SLC24A2: variants seen among roughly 807,000 people sequenced by gnomAD.
SLC24A2 encodes solute carrier family 24 member 2, also known as sodium/potassium/calcium exchanger 2.
In SLC24A2, 36 loss-of-function variants were observed where a neutral mutation model predicts 62.0. The ratio of observed to expected loss-of-function variants is 0.58; its 90% CI spans 0.44 to 0.77. The LOEUF (loss-of-function observed/expected upper bound fraction) is 0.77. Ranked by LOEUF, SLC24A2 falls within the 30% of genes least tolerant of loss-of-function variation. SLC24A2 has a pLI of 0.00. For synonymous variants in SLC24A2, 358 were observed against 294.0 expected, an observed-to-expected ratio of 1.22 and a Z score of -2.23; for missense variants, 846 against 817.9, an observed-to-expected ratio of 1.03 and a Z score of -0.42.
the SLC24A2 span, among the ~76,000 whole-genome samples, chr9:20,193,145 G>A: frequency 6.6e-6 from 1 of 152,114 alleles, no homozygotes; most frequent in Non-Finnish European, 1.5e-5. Flanking sequence ...CAGTCCACAT[G>A]CCTTGATATT....
chr9:20,282,547 G>A, the SLC24A2 span, among the ~76,000 whole-genome samples: 2 of 152,154 alleles, frequency 1.3e-5, no homozygotes, highest in South Asian at 2.1e-4. Flanking sequence ...TGATAGAAAT[G>A]CAAATTCAGG....
At chr9:19,772,646 C>A (rs1822724255) in intron 2 of SLC24A2, among the ~76,000 whole-genome samples, 1 of 152,080 alleles carries the variant, frequency 6.6e-6, no homozygotes. Flanking sequence ...AAACCAAAAT[C>A]ATGAGGTATC....
At chr9:20,058,391 GGA>G in the SLC24A2 span, among the ~76,000 whole-genome samples, 1 of 151,854 alleles carries the variant, frequency 6.6e-6, no homozygotes, top group African/African-American at 2.4e-5. Flanking sequence ...GACACACAGA[GGA>G]ATAAACCCAT....
chr9:19,980,891 A>T, the SLC24A2 span, among the ~76,000 whole-genome samples: 1 of 152,202 alleles, frequency 6.6e-6, no homozygotes, highest in Non-Finnish European at 1.5e-5. Flanking sequence ...TCTGTATATT[A>T]CGACTTCAAT....
At chr9:19,891,443 C>T in the SLC24A2 span, among the ~76,000 whole-genome samples, 5 of 152,172 alleles carry the variant, frequency 3.3e-5, no homozygotes, top group African/African-American at 9.7e-5. Flanking sequence ...TTATGTGGCT[C>T]ACAGTTCTGC....
the SLC24A2 span, among the ~76,000 whole-genome samples, chr9:20,199,893 T>C: frequency 6.6e-6 from 1 of 150,506 alleles, no homozygotes; most frequent in Non-Finnish European, 1.5e-5. Context: ...TAATTTTTTT[T>C]TTTTTTTTTT....
the SLC24A2 span, among the ~76,000 whole-genome samples, chr9:20,031,351 TTATA>T: frequency 0.38 from 53,233 of 141,434 alleles, 10,223 homozygotes; most frequent in African/African-American, 0.45. Flanking sequence ...TACACACACT[TTATA>T]TATATATATA....
At chr9:19,864,128 C>T in the SLC24A2 span, among the ~76,000 whole-genome samples, 1 of 151,788 alleles carries the variant, frequency 6.6e-6, no homozygotes, top group Non-Finnish European at 1.5e-5. Context: ...CAAGATTGAA[C>T]CATGAAGAAA....
rs1414413738 is a variant in SLC24A2 at position 19,512,909 on chromosome 9, A to G, written c.*3244T>C. 6.6e-6 allele frequency: 1 copy of G among 152,000 alleles called. No homozygotes were observed. The highest frequency in any genetic ancestry group is 1.5e-5 in the Non-Finnish European group (1 of 67,992). 9.4% of individuals were successfully genotyped at this position (152,000 alleles called of 1,614,324 possible). ...ATGGCTGACCGATTTCCTTAAGGCT[A>G]TAAATTGATATTCTTAGGGTGGGAA... is the stretch of plus-strand genomic sequence containing the variant. On this transcript the variant is annotated 3_prime_UTR_variant, in exon 11 of 11. Transcript: ENST00000341998.
At chr9:20,159,564 T>C in the SLC24A2 span, among the ~76,000 whole-genome samples, 1 of 151,596 alleles carries the variant, frequency 6.6e-6, no homozygotes, top group African/African-American at 2.4e-5. Context: ...AAGAGTAGTA[T>C]GTGTGACAAA....
At chr9:19,948,844 C>CAAAAAA in the SLC24A2 span, among the ~76,000 whole-genome samples, 10 of 71,720 alleles carry the variant, frequency 1.4e-4, no homozygotes, top group Non-Finnish European at 2.6e-4. Context: ...GACTCCGTCT[C>CAAAAAA]AAAAAAAAAA....
chr9:20,043,299 G>A, the SLC24A2 span, among the ~76,000 whole-genome samples: 2 of 152,222 alleles, frequency 1.3e-5, no homozygotes, highest in Non-Finnish European at 2.9e-5. Context: ...GATATACAGA[G>A]TGATGAATGT....
At chr9:19,591,720 G>T (rs952284637) in intron 5 of SLC24A2, among the ~76,000 whole-genome samples, 5 of 152,228 alleles carry the variant, frequency 3.3e-5, no homozygotes, top group Non-Finnish European at 7.3e-5. Context: ...AGGATGGAAG[G>T]AGCCTGGGTC....
the SLC24A2 span, among the ~76,000 whole-genome samples, chr9:20,020,469 GA>G: frequency 6.6e-6 from 1 of 152,046 alleles, no homozygotes; most frequent in East Asian, 1.9e-4. Flanking sequence ...ACTGACACAA[GA>G]ACAGAAAACC....
intron 2 of SLC24A2, among the ~76,000 whole-genome samples, chr9:19,666,415 A>T (rs867365958): frequency 6.6e-6 from 1 of 152,182 alleles, no homozygotes; most frequent in Admixed American, 6.5e-5. Flanking sequence ...TAAAAAAATC[A>T]TTATTTTAAA....
the SLC24A2 span, among the ~76,000 whole-genome samples, chr9:20,209,232 T>C: frequency 6.6e-6 from 1 of 152,230 alleles, no homozygotes; most frequent in African/African-American, 2.4e-5. Context: ...CTTAACTGAC[T>C]GTTTTATTCC....
the SLC24A2 span, among the ~76,000 whole-genome samples, chr9:20,051,973 G>A: frequency 3.9e-5 from 6 of 151,956 alleles, no homozygotes; most frequent in South Asian, 6.3e-4. Flanking sequence ...TTTCTAGCTC[G>A]CAGGACACTG....
At chr9:20,255,991 G>T in the SLC24A2 span, among the ~76,000 whole-genome samples, 5 of 152,164 alleles carry the variant, frequency 3.3e-5, no homozygotes, top group Non-Finnish European at 7.3e-5. Context: ...CAAGATCAAG[G>T]GTCTGGCATC....
chr9:20,172,506 A>G, the SLC24A2 span, among the ~76,000 whole-genome samples: 3 of 152,234 alleles, frequency 2.0e-5, no homozygotes, highest in Non-Finnish European at 2.9e-5. Flanking sequence ...ATTAGAAATG[A>G]AACTGGAGAT....
Sources: gnomAD v4.1 joint callset for allele counts (sites outside exome capture counted in the v4.1 genomes callset) on GRCh38, gnomAD v4.1.1 for gene constraint, MANE v1.5 for transcripts, NCBI Gene and HGNC (gene_info 2026-07-23, HGNC 2026-07-21) for gene names.